Variants in PCDH15 observed in about 807,000 individuals in gnomAD.
PCDH15 encodes the protein protocadherin-15.
PCDH15 carries 129 observed loss-of-function variants against 178.5 expected under a neutral mutation model. That is an observed-to-expected ratio of 0.72 (90% CI 0.63 to 0.84). The LOEUF (loss-of-function observed/expected upper bound fraction) is 0.84, where lower values mean the gene tolerates loss of function less well. Ranked by LOEUF, PCDH15 falls within the 40% of genes least tolerant of loss-of-function variation. The pLI is 0.00. For missense variants in PCDH15, 2,230 were observed against 2,099.9 expected (o/e 1.06, Z -1.21); for synonymous variants, 800 against 732.0 (o/e 1.09, Z -1.50).
chr10:53,879,915 G>A (rs1045043861), intron 26 of PCDH15, among the ~76,000 whole-genome samples: 5 of 152,154 alleles, frequency 3.3e-5, no homozygotes, highest in African/African-American at 9.7e-5. Flanking sequence ...GCCTCCCAAA[G>A]TGCTGGTATC....
chr10:55,158,996 C>T (rs1364128295), intron 2 of PCDH15, among the ~76,000 whole-genome samples: 1 of 151,900 alleles, frequency 6.6e-6, no homozygotes, highest in Non-Finnish European at 1.5e-5. Flanking sequence ...GGCCTTGCAA[C>T]AAACCTACGC....
intron 2 of PCDH15, among the ~76,000 whole-genome samples, chr10:55,031,194 T>C (rs1466849486): frequency 6.6e-6 from 1 of 152,180 alleles, no homozygotes; most frequent in Non-Finnish European, 1.5e-5. Flanking sequence ...AGTGCTTTAT[T>C]TACATGCTGA....
At chr10:53,963,165 T>A (rs1158923470) in intron 21 of PCDH15, among the ~76,000 whole-genome samples, 1 of 152,210 alleles carries the variant, frequency 6.6e-6, no homozygotes, top group Non-Finnish European at 1.5e-5. Flanking sequence ...TCTTCAAGAC[T>A]GTCCTTGAAA....
At chr10:55,587,404 T>C (rs2132127293) in intron 2 of PCDH15, among the ~76,000 whole-genome samples, 1 of 131,646 alleles carries the variant, frequency 7.6e-6, no homozygotes, top group Admixed American at 8.0e-5. Flanking sequence ...GTATTATTAG[T>C]AAGAAAAGTA....
At position 54,620,855 on chromosome 10, in the gene PCDH15, C is replaced by T. The variant is rs145545725; in HGVS notation, c.91+43317G>A. 8.4e-3 allele frequency among the ~76,000 whole-genome samples: 1,270 copies of T among 152,000 alleles called. 14 individuals carry two copies. The highest frequency in any genetic ancestry group is 0.017 in the Middle Eastern group (5 of 294). On this transcript the variant is annotated intron_variant, in intron 2 of 37. Coordinates refer to ENST00000644397, the MANE Select transcript of PCDH15 (RefSeq NM_001384140.1). The stretch of plus-strand genomic sequence containing the variant: ...TTATCCATACAACACCTCCTTTTTC[C>T]CCTTTACTGAAAAGCTGTGTATAAA...
chr10:53,950,660 G>T (rs576441878), intron 23 of PCDH15, among the ~76,000 whole-genome samples: 2 of 152,154 alleles, frequency 1.3e-5, no homozygotes, highest in Admixed American at 1.3e-4. Flanking sequence ...ATAAGTCTTA[G>T]TCCATCATCC....
At chr10:55,096,086 C>T (rs1408682855) in intron 2 of PCDH15, among the ~76,000 whole-genome samples, 6 of 151,846 alleles carry the variant, frequency 4.0e-5, no homozygotes, top group African/African-American at 1.5e-4. Context: ...TGATTGGAAA[C>T]AAAAACAAAA....
At chr10:54,508,918 T>C (rs1380744103) in intron 3 of PCDH15, among the ~76,000 whole-genome samples, 1 of 152,146 alleles carries the variant, frequency 6.6e-6, no homozygotes, top group Non-Finnish European at 1.5e-5. Context: ...AGGGGACCCA[T>C]GTCAAAATGC....
intron 15 of PCDH15, among the ~76,000 whole-genome samples, chr10:54,113,595 T>C (rs1431643627): frequency 2.0e-5 from 3 of 149,886 alleles, no homozygotes; most frequent in Non-Finnish European, 4.4e-5. Flanking sequence ...TCTTGTTCTT[T>C]ATACTGTGTT....
intron 8 of PCDH15, among the ~76,000 whole-genome samples, chr10:54,295,958 A>C (rs1456468752): frequency 3.1e-4 from 46 of 150,178 alleles, no homozygotes; most frequent in African/African-American, 9.9e-4. Context: ...TCCCGGCTAA[A>C]ATGGTGAAAC....
rs1322450921 is a variant in PCDH15, at chr10:55,015,197, C to T, written c.-79-117697G>A. 3.3e-5 allele frequency among the ~76,000 whole-genome samples: 5 copies of T among 152,076 alleles called. 1 individual carries two copies. The East Asian group carries it at 9.6e-4, about 29-fold the overall frequency. On this transcript the variant is annotated intron_variant, in intron 2 of 5. Coordinates refer to the PCDH15 transcript ENST00000458638. ...TGAGCCAAGATCCCACCACATTTTA[C>T]ACTTAAAATATATTTAAATTTATAT...
At chr10:55,253,424 C>T (rs1841899448) in intron 1 of PCDH15, among the ~76,000 whole-genome samples, 1 of 151,398 alleles carries the variant, frequency 6.6e-6, no homozygotes, top group Admixed American at 6.6e-5. Context: ...TAAAATTTTA[C>T]TACCTAAGTC....
intron 25 of PCDH15, chr10:53,905,224 C>T (rs1564734109): frequency 3.9e-6 from 2 of 518,860 alleles, no homozygotes; most frequent in Middle Eastern, 3.2e-4. Context: ...GCTCCCCTGT[C>T]GTGTCTTTCT....
intron 14 of PCDH15, among the ~76,000 whole-genome samples, chr10:54,152,625 A>T (rs144232165): frequency 3.6e-4 from 55 of 152,124 alleles, no homozygotes; most frequent in African/African-American, 1.3e-3. Flanking sequence ...AACAAAAGGG[A>T]TTTCTCAGGT....
chr10:54,451,127 G>A (rs556539760), intron 3 of PCDH15, among the ~76,000 whole-genome samples: 2 of 151,812 alleles, frequency 1.3e-5, no homozygotes, highest in African/African-American at 4.8e-5. Context: ...TTATTGCCAA[G>A]ATTGCACTGA....
chr10:55,041,881 G>T (rs1840870751), intron 2 of PCDH15, among the ~76,000 whole-genome samples: 2 of 152,000 alleles, frequency 1.3e-5, no homozygotes, highest in Admixed American at 6.6e-5. Flanking sequence ...AGCACTCATT[G>T]CTTGGGCCCT....
At chr10:55,518,023 CA>C (rs776935476) in intron 2 of PCDH15, among the ~76,000 whole-genome samples, 9 of 152,136 alleles carry the variant, frequency 5.9e-5, no homozygotes, top group Admixed American at 2.0e-4. Flanking sequence ...GGCTGAGAGA[CA>C]GGGGCTAATA....
chr10:54,031,541 A>G (rs959392340), intron 18 of PCDH15, among the ~76,000 whole-genome samples: 1 of 117,402 alleles, frequency 8.5e-6, no homozygotes, highest in Non-Finnish European at 2.0e-5. Context: ...AGATGGAAAT[A>G]TGGTAGAGAA....
intron 21 of PCDH15, among the ~76,000 whole-genome samples, chr10:53,982,958 T>C (rs2610891): frequency 0.054 from 8,164 of 152,180 alleles, 375 homozygotes; most frequent in African/African-American, 0.12. Context: ...TCACATTGTT[T>C]CCTTCATAAT....
Sources: gnomAD v4.1 joint callset for allele counts (sites outside exome capture counted in the v4.1 genomes callset) on GRCh38, gnomAD v4.1.1 for gene constraint, MANE v1.5 for transcripts, NCBI Gene and HGNC (gene_info 2026-07-23, HGNC 2026-07-21) for gene names.